Variants in CDK14 observed in about 807,000 individuals in gnomAD.
CDK14 encodes the protein cyclin-dependent kinase 14.
In CDK14, 34 loss-of-function variants were observed where a neutral mutation model predicts 60.7. The ratio of observed to expected loss-of-function variants is 0.56; its 90% CI spans 0.43 to 0.75. CDK14 has a LOEUF of 0.75. Ranked by LOEUF, CDK14 falls within the 30% of genes least tolerant of loss-of-function variation. The probability of loss-of-function intolerance (pLI) is 0.00; values close to 1 mark genes in which losing one functional copy is unlikely to be tolerated. For synonymous variants in CDK14, 197 were observed against 203.7 expected, an observed-to-expected ratio of 0.97 and a Z score of 0.28; for missense variants, 482 against 564.1, an observed-to-expected ratio of 0.85 and a Z score of 1.47.
At chr7:90,865,247 A>G (rs1791138658) in intron 6 of CDK14, among the ~76,000 whole-genome samples, 1 of 152,142 alleles carries the variant, frequency 6.6e-6, no homozygotes, top group Non-Finnish European at 1.5e-5. Flanking sequence ...GAACCGCTTC[A>G]GTTTGTAGAA....
In CDK14 at chr7:91,091,201, G is replaced by A. The variant is rs909511007; in HGVS notation, c.1154+11721G>A. On this transcript the variant is annotated intron_variant, in intron 12 of 14. Transcript: ENST00000380050. ...ACTTGAGTCCAGGAGTTTGGGATGA[G>A]ACTAGGTGACATGACAAGACCCTAT... Among the ~76,000 whole-genome samples the A allele has an allele frequency of 3.3e-5, 5 of 150,302 alleles. No individual in the cohort carries two copies. In the Admixed American group the frequency reaches 3.3e-4, roughly 10 times the overall value.
chr7:90,778,275 G>T (rs1805135772), intron 4 of CDK14, among the ~76,000 whole-genome samples: 1 of 152,176 alleles, frequency 6.6e-6, no homozygotes, highest in Admixed American at 6.5e-5. Context: ...CATCCACTTA[G>T]ATGCTAAAAT....
intron 8 of CDK14, among the ~76,000 whole-genome samples, chr7:90,941,050 T>C (rs1793917251): frequency 6.6e-6 from 1 of 152,190 alleles, no homozygotes; most frequent in Admixed American, 6.5e-5. Flanking sequence ...GCCACTTTCA[T>C]GTGATGGTTA....
At chr7:90,808,114 A>C (rs953430256) in intron 5 of CDK14, among the ~76,000 whole-genome samples, 1 of 152,328 alleles carries the variant, frequency 6.6e-6, no homozygotes, top group South Asian at 2.1e-4. Flanking sequence ...AATACAGACA[A>C]CACCACAAAG....
chr7:90,632,546 ACAGT>A lies in CDK14; in HGVS notation c.123+28298_123+28301del, dbSNP rs757382731. The A allele has an allele frequency of 3.7e-4, 59 of 160,318 alleles. 1 individual carries two copies. The highest frequency in any genetic ancestry group is 6.5e-4 in the Non-Finnish European group (46 of 71,304). The allele number at this position is 160,318 out of a possible 1,614,324, so 9.9% of individuals were successfully genotyped here. ...CCTGGAAAGCAGTTTTTAAGACAAA[ACAGT>A]AAAGATAATCTGACTTCCAGACTAG... On this transcript the variant is annotated intron_variant, in intron 2 of 14. Coordinates refer to ENST00000380050, the MANE Select transcript of CDK14 (RefSeq NM_001287135.2).
At chr7:90,771,484 A>G (rs973028577) in intron 4 of CDK14, among the ~76,000 whole-genome samples, 1 of 152,238 alleles carries the variant, frequency 6.6e-6, no homozygotes, top group Non-Finnish European at 1.5e-5. Flanking sequence ...AAGTCAGAGT[A>G]GAATTTTATT....
In CDK14 at chr7:91,057,761, C is replaced by A. The variant is rs187697737; in HGVS notation, c.1105+11801C>A. On this transcript the variant is annotated intron_variant, in intron 11 of 14. Transcript: ENST00000380050. ...GAGGGCTCTGTTCTGTTCCATTGGT[C>A]TATATCTCTGTTTTGGTACCAATAC... Among the ~76,000 whole-genome samples the A allele has an allele frequency of 6.9e-3, 1,058 of 152,242 alleles. 6 individuals carry two copies. The highest frequency in any genetic ancestry group is 0.011 in the Non-Finnish European group (717 of 68,028).
chr7:91,119,064 T>TACGTATAC (rs1799703643), intron 14 of CDK14, among the ~76,000 whole-genome samples: 1 of 152,112 alleles, frequency 6.6e-6, no homozygotes, highest in South Asian at 2.1e-4. Flanking sequence ...TACATATATA[T>TACGTATAC]ACATATACAT....
intron 14 of CDK14, among the ~76,000 whole-genome samples, chr7:91,160,189 A>C (rs756994506): frequency 2.0e-5 from 3 of 152,214 alleles, no homozygotes; most frequent in Non-Finnish European, 2.9e-5. Context: ...AATGAAAAAT[A>C]ATAGGGAGAA....
Position 91,158,738 on chromosome 7 carries a change from A to G in CDK14, c.*28+40530A>G, listed in dbSNP as rs186877000. ...AGGAATGTGAGTAAGTGGTCCCTCT[A>G]CCCCGTCAGAGGTAAGGAATTGATG... On this transcript the variant is annotated intron_variant, in intron 14 of 14. Transcript: ENST00000380050. Among the ~76,000 whole-genome samples the G allele has an allele frequency of 4.4e-4, 67 of 152,200 alleles. No homozygotes were observed. In the East Asian group the frequency reaches 5.0e-3, roughly 11 times the overall value.
intron 10 of CDK14, among the ~76,000 whole-genome samples, chr7:91,016,034 C>T (rs1379475970): frequency 6.6e-6 from 1 of 151,886 alleles, no homozygotes; most frequent in Non-Finnish European, 1.5e-5. Context: ...GGATAACTGA[C>T]CTAAAGTGAG....
intron 9 of CDK14, among the ~76,000 whole-genome samples, chr7:90,980,944 G>GT (rs1197000049): frequency 6.6e-6 from 1 of 152,170 alleles, no homozygotes; most frequent in Non-Finnish European, 1.5e-5. Context: ...TTCTGGCAAT[G>GT]TAATAGTTAT....
chr7:90,837,504 G>A (rs528654191), intron 5 of CDK14, among the ~76,000 whole-genome samples: 1 of 151,974 alleles, frequency 6.6e-6, no homozygotes, highest in Non-Finnish European at 1.5e-5. Flanking sequence ...AGAATGATAA[G>A]CTTAGTGTAT....
At chr7:91,187,341 T>G (rs1356249864) in intron 14 of CDK14, among the ~76,000 whole-genome samples, 1 of 152,228 alleles carries the variant, frequency 6.6e-6, no homozygotes, top group Non-Finnish European at 1.5e-5. Context: ...TGGGAATTTC[T>G]TAAGACAGAT....
chr7:90,954,064 G>T (rs1007451667), intron 8 of CDK14, among the ~76,000 whole-genome samples: 3 of 152,092 alleles, frequency 2.0e-5, no homozygotes, highest in East Asian at 1.9e-4. Context: ...TGTCTGTGTG[G>T]TATAATCTGT....
chr7:90,653,776 G>A (rs146546801), intron 2 of CDK14, among the ~76,000 whole-genome samples: 2,393 of 152,062 alleles, frequency 0.016, 88 homozygotes, highest in African/African-American at 0.052. Flanking sequence ...CCATTAACTC[G>A]TCATTTACAT....
intron 2 of CDK14, among the ~76,000 whole-genome samples, chr7:90,647,396 A>G (rs538180479): frequency 2.6e-5 from 4 of 152,248 alleles, no homozygotes; most frequent in East Asian, 3.9e-4. Context: ...TTGCTTTACA[A>G]TGTTTCAGTC....
intron 4 of CDK14, among the ~76,000 whole-genome samples, chr7:90,783,139 T>G (rs1276727481): frequency 6.6e-6 from 1 of 152,194 alleles, no homozygotes; most frequent in African/African-American, 2.4e-5. Flanking sequence ...ATTATGAGTT[T>G]GTATATTTGA....
At chr7:91,174,516 A>G (rs373987097) in intron 14 of CDK14, among the ~76,000 whole-genome samples, 6 of 151,792 alleles carry the variant, frequency 4.0e-5, no homozygotes, top group South Asian at 2.1e-4. Context: ...TCTGAGCTAC[A>G]GGAGGACATT....
Sources: allele counts gnomAD v4.1 joint callset (sites outside exome capture counted in the v4.1 genomes callset), GRCh38; gene constraint gnomAD v4.1.1; transcripts MANE v1.5; gene names NCBI Gene and HGNC (gene_info 2026-07-23, HGNC 2026-07-21).